Variants in PLA2G4A observed in about 807,000 individuals in gnomAD.
The protein encoded by PLA2G4A is phospholipase A2 group IVA.
Under a neutral mutation model 81.9 loss-of-function variants are expected in PLA2G4A, and 40 were observed. The observed-to-expected ratio is 0.49, with a 90% CI of 0.38 to 0.64. The LOEUF (loss-of-function observed/expected upper bound fraction) is 0.64. PLA2G4A is among the 30% of genes least tolerant of loss of function. PLA2G4A has a pLI of 0.00. For missense variants in PLA2G4A, 715 were observed against 905.1 expected, an observed-to-expected ratio of 0.79 and a Z score of 2.69; for synonymous variants, 302 against 296.9, an observed-to-expected ratio of 1.02 and a Z score of -0.18.
At chr1:186,861,801 C>T (rs1482759986) in intron 2 of PLA2G4A, among the ~76,000 whole-genome samples, 1 of 151,998 alleles carries the variant, frequency 6.6e-6, no homozygotes, top group East Asian at 1.9e-4. Flanking sequence ...GGTTCTTCAC[C>T]ATATGACAGT....
intron 13 of PLA2G4A, among the ~76,000 whole-genome samples, chr1:186,951,225 A>C (rs1265916758): frequency 6.6e-6 from 1 of 152,164 alleles, no homozygotes; most frequent in East Asian, 1.9e-4. Flanking sequence ...CAAGAACTTG[A>C]TACGTATATT....
intron 3 of PLA2G4A, among the ~76,000 whole-genome samples, chr1:186,879,146 T>A (rs887394471): frequency 1.3e-5 from 2 of 151,942 alleles, no homozygotes; most frequent in Non-Finnish European, 2.9e-5. Flanking sequence ...GATGCACTTT[T>A]TCATTCTCAC....
intron 2 of PLA2G4A, among the ~76,000 whole-genome samples, chr1:186,855,693 A>T (rs890153272): frequency 6.6e-6 from 1 of 151,976 alleles, no homozygotes; most frequent in Non-Finnish European, 1.5e-5. Context: ...ACACTTCCAC[A>T]CTTTTACATT....
intron 13 of PLA2G4A, among the ~76,000 whole-genome samples, chr1:186,954,654 A>T (rs1656683330): frequency 1.6e-5 from 1 of 63,886 alleles, no homozygotes; most frequent in Non-Finnish European, 2.8e-5. Context: ...TATGAAGCTG[A>T]CTATAGAATC....
intron 1 of PLA2G4A, among the ~76,000 whole-genome samples, chr1:186,846,507 T>G (rs1652179864): frequency 6.6e-6 from 1 of 152,176 alleles, no homozygotes; most frequent in African/African-American, 2.4e-5. Context: ...TACCCTTCAT[T>G]TAGCTTTCCC....
intron 1 of PLA2G4A, among the ~76,000 whole-genome samples, chr1:186,850,262 C>T (rs1310502730): frequency 1.3e-5 from 2 of 151,966 alleles, no homozygotes; most frequent in African/African-American, 4.8e-5. Flanking sequence ...AAGGTTTCTT[C>T]GTTTTGGTTT....
intron 5 of PLA2G4A, among the ~76,000 whole-genome samples, chr1:186,904,560 G>A (rs1654667546): frequency 6.6e-6 from 1 of 152,224 alleles, no homozygotes; most frequent in Admixed American, 6.5e-5. Flanking sequence ...CTGGTTGTGG[G>A]TGACCCACTT....
intron 1 of PLA2G4A, among the ~76,000 whole-genome samples, chr1:186,844,098 C>T (rs1034574932): frequency 6.6e-6 from 1 of 152,158 alleles, no homozygotes; most frequent in Non-Finnish European, 1.5e-5. Flanking sequence ...GGGTTCCAGG[C>T]TCAAGAAACA....
At chr1:186,870,318 A>G in intron 2 of PLA2G4A, 117 bp from the exon 3 acceptor site, 1 of 715,076 alleles carries the variant, frequency 1.4e-6, no homozygotes, top group South Asian at 1.5e-5. Context: ...ACATCAAAGA[A>G]TGTTTCTGGT....
At chr1:186,961,887 C>A (rs1335101467) in intron 14 of PLA2G4A, among the ~76,000 whole-genome samples, 1 of 152,114 alleles carries the variant, frequency 6.6e-6, no homozygotes, top group Non-Finnish European at 1.5e-5. Context: ...CCCACAGTCA[C>A]CTGCTGTCAA....
chr1:186,870,609 C>T (rs1235552912), intron 3 of PLA2G4A, 93 bp downstream of exon 3: 6 of 1,163,972 alleles, frequency 5.2e-6, no homozygotes, highest in South Asian at 1.3e-5. Context: ...GTTCTGCCTT[C>T]TTCAAATGTG....
intron 3 of PLA2G4A, among the ~76,000 whole-genome samples, chr1:186,878,450 TAGAGTATCCACCCA>T (rs1369648781): frequency 6.6e-6 from 1 of 151,146 alleles, no homozygotes; most frequent in African/African-American, 2.4e-5. Flanking sequence ...TGGAATGTTT[TAGAGTATCCACCCA>T]AGATTTTAAA....
intron 3 of PLA2G4A, among the ~76,000 whole-genome samples, chr1:186,887,703 G>A (rs1653984430): frequency 6.6e-6 from 1 of 152,066 alleles, no homozygotes; most frequent in Admixed American, 6.6e-5. Context: ...TAAGTATAAT[G>A]TACAGGAAAA....
At chr1:186,962,667 C>T (rs1458310220) in intron 14 of PLA2G4A, among the ~76,000 whole-genome samples, 2 of 152,056 alleles carry the variant, frequency 1.3e-5, no homozygotes, top group Non-Finnish European at 2.9e-5. Context: ...ACTACAGGCG[C>T]CCGCCACCGC....
At chr1:186,936,866 C>G (rs1655965840) in intron 8 of PLA2G4A, among the ~76,000 whole-genome samples, 1 of 151,766 alleles carries the variant, frequency 6.6e-6, no homozygotes, top group Non-Finnish European at 1.5e-5. Flanking sequence ...TATAAATAAA[C>G]CTAAGTCCCT....
intron 3 of PLA2G4A, among the ~76,000 whole-genome samples, chr1:186,881,594 C>T (rs1024294739): frequency 1.3e-5 from 2 of 151,936 alleles, no homozygotes; most frequent in Non-Finnish European, 1.5e-5. Flanking sequence ...TCTGCCTATT[C>T]CTTGGAGTTA....
intron 7 of PLA2G4A, among the ~76,000 whole-genome samples, chr1:186,919,359 C>T (rs866206972): frequency 3.3e-5 from 5 of 152,294 alleles, no homozygotes; most frequent in South Asian, 2.1e-4. Flanking sequence ...CTCCCCTTTC[C>T]GAATAGTGAA....
intron 6 of PLA2G4A, among the ~76,000 whole-genome samples, chr1:186,910,372 C>T (rs1358179614): frequency 2.6e-5 from 4 of 152,096 alleles, no homozygotes; most frequent in African/African-American, 9.7e-5. Flanking sequence ...CCAACATAGG[C>T]TGACAGATTT....
chr1:186,836,057 G>A (rs192701262), intron 1 of PLA2G4A, among the ~76,000 whole-genome samples: 3 of 152,060 alleles, frequency 2.0e-5, no homozygotes. Context: ...TCAAATTTGT[G>A]ACACTCATTC....
Sources: allele counts gnomAD v4.1 joint callset (sites outside exome capture counted in the v4.1 genomes callset), GRCh38; gene constraint gnomAD v4.1.1; transcripts MANE v1.5; gene names NCBI Gene and HGNC (gene_info 2026-07-23, HGNC 2026-07-21).